The following ANP32A variants were observed in gnomAD, a reference collection of about 807,000 sequenced individuals.
The protein encoded by ANP32A is acidic nuclear phosphoprotein 32 family member A, also known as acidic leucine-rich nuclear phosphoprotein 32 family member A.
Under a neutral mutation model 33.9 loss-of-function variants are expected in ANP32A, and 1 was observed. That is an observed-to-expected ratio of 0.03 (90% CI 0.01 to 0.14). The LOEUF (loss-of-function observed/expected upper bound fraction) is 0.14, where lower values mean the gene tolerates loss of function less well. Among genes scored for constraint, ANP32A ranks in the 10% least tolerant of loss-of-function variants. The pLI, the probability that ANP32A is intolerant of heterozygous loss-of-function variation, is 1.00. For missense variants in ANP32A, 155 were observed against 306.0 expected (o/e 0.51, Z 3.68); for synonymous variants, 115 against 120.5 (o/e 0.95, Z 0.30).
chr15:68,800,517 G>A (rs909948073), intron 1 of ANP32A, among the ~76,000 whole-genome samples: 3 of 151,254 alleles, frequency 2.0e-5, no homozygotes, highest in Non-Finnish European at 4.4e-5. Flanking sequence ...GGCCGAGGCT[G>A]GCGGATCATG....
intron 1 of ANP32A, among the ~76,000 whole-genome samples, chr15:68,802,856 GT>G (rs1894157139): frequency 6.6e-6 from 1 of 151,876 alleles, no homozygotes; most frequent in Non-Finnish European, 1.5e-5. Context: ...GTTTCACCAT[GT>G]TGGTCAGGCT....
At chr15:68,790,003 C>G (rs1009543282) in intron 1 of ANP32A, 2 of 152,274 alleles carry the variant, frequency 1.3e-5, no homozygotes, top group African/African-American at 2.4e-5. Flanking sequence ...AGGAAAGCAT[C>G]GCAGAGCCAG....
intron 4 of ANP32A, among the ~76,000 whole-genome samples, chr15:68,783,485 C>T (rs953276391): frequency 1.3e-5 from 2 of 152,184 alleles, no homozygotes; most frequent in African/African-American, 4.8e-5. Context: ...GGACCTGGTC[C>T]CGGGACTGCC....
At chr15:68,812,994 T>C (rs1328370744) in intron 1 of ANP32A, 1 of 152,246 alleles carries the variant, frequency 6.6e-6, no homozygotes, top group South Asian at 2.1e-4. Flanking sequence ...AGTTCTCTGG[T>C]AATTTCCTCA....
chr15:68,783,126 C>T, intron 4 of ANP32A, 73 bp from the exon 5 acceptor site: 2 of 1,539,582 alleles, frequency 1.3e-6, no homozygotes, highest in South Asian at 1.2e-5. Flanking sequence ...AGCACAGGCC[C>T]CTTGTAGCGT....
intron 1 of ANP32A, among the ~76,000 whole-genome samples, chr15:68,796,971 A>C (rs1015468985): frequency 6.6e-5 from 10 of 152,170 alleles, no homozygotes; most frequent in African/African-American, 2.4e-4. Flanking sequence ...CAAGGGGCCC[A>C]GGATTCATCA....
chr15:68,809,918 G>C (rs1018761900), intron 1 of ANP32A, among the ~76,000 whole-genome samples: 1 of 152,238 alleles, frequency 6.6e-6, no homozygotes, highest in African/African-American at 2.4e-5. Flanking sequence ...TAGGCAAGGG[G>C]ACAGAGATGC....
chr15:68,817,576 C>T (rs1342959840), intron 1 of ANP32A: 2 of 152,352 alleles, frequency 1.3e-5, no homozygotes, highest in Admixed American at 1.3e-4. Flanking sequence ...AAAGAGCAAA[C>T]ACCAGAGCGA....
At position 68,782,942 on chromosome 15, in the gene ANP32A, C is replaced by T; in HGVS notation, c.624+14G>A. 1 of 1,551,564 alleles carries T rather than the reference C, an allele frequency of 6.4e-7. No individual in the cohort carries two copies. Among genetic ancestry groups the T allele is most frequent in the East Asian group, 2.4e-5 (1 of 40,908 alleles). On this transcript the variant is annotated intron_variant, in intron 5 of 6. Coordinates refer to ENST00000465139, the MANE Select transcript of ANP32A (RefSeq NM_006305.4). ...AGGGGCAGACGGTGGCCCTGCCCAG[C>T]CCAGCCTCCTTACCTCCTCCTCTCC...
At chr15:68,818,773 C>T (rs1048848074) in intron 1 of ANP32A, among the ~76,000 whole-genome samples, 10 of 151,562 alleles carry the variant, frequency 6.6e-5, no homozygotes, top group Non-Finnish European at 1.0e-4. Flanking sequence ...GCGCCCTTCC[C>T]CCTCCGCGCA....
At chr15:68,786,691 C>T (rs535296252) in intron 3 of ANP32A, among the ~76,000 whole-genome samples, 2 of 152,258 alleles carry the variant, frequency 1.3e-5, no homozygotes, top group South Asian at 2.1e-4. Context: ...AGGAATACAG[C>T]GAATCAGATC....
intron 1 of ANP32A, among the ~76,000 whole-genome samples, chr15:68,805,558 C>T (rs773103597): frequency 3.9e-5 from 6 of 152,206 alleles, no homozygotes; most frequent in Non-Finnish European, 8.8e-5. Context: ...GAGCAGTGGC[C>T]GGCTATTATA....
At chr15:68,817,879 C>A (rs1476254011) in intron 1 of ANP32A, among the ~76,000 whole-genome samples, 1 of 151,954 alleles carries the variant, frequency 6.6e-6, no homozygotes. Context: ...AGACTCCGCT[C>A]CCCCCGCCCC....
In ANP32A at chr15:68,780,592, G is replaced by C. The variant is rs545878777; in HGVS notation, c.625-119C>G. 4.7e-4 allele frequency: 693 copies of C among 1,484,534 alleles called. 7 individuals are homozygous for C. The highest frequency in any genetic ancestry group is 8.0e-5 in the Non-Finnish European group (89 of 1,117,158). 92.0% of individuals were successfully genotyped at this position (1,484,534 alleles called of 1,614,324 possible). ...CCCAGCCTCTCAGAGCCCCCACCAA[G>C]ACTTGACATCTCGGGAGGAATGTAA... is the stretch of plus-strand genomic sequence containing the variant. On this transcript the variant is annotated intron_variant, in intron 5 of 6. Transcript: ENST00000465139. The surrounding 1 kb of genome is among the most constrained non-coding windows in gnomAD (Gnocchi z 4.3).
intron 1 of ANP32A, among the ~76,000 whole-genome samples, chr15:68,800,939 C>G (rs1250862537): frequency 6.6e-6 from 1 of 151,472 alleles, no homozygotes; most frequent in Non-Finnish European, 1.5e-5. Flanking sequence ...GGGTGGCATG[C>G]TTGGCCTTAT....
At chr15:68,784,146 G>T (rs944523150) in intron 4 of ANP32A, 13 of 568,706 alleles carry the variant, frequency 2.3e-5, no homozygotes, top group Non-Finnish European at 4.1e-5. Context: ...ATTTCCATGA[G>T]CATGGGACTC....
At chr15:68,802,885 C>T (rs1388018664) in intron 1 of ANP32A, among the ~76,000 whole-genome samples, 1 of 152,118 alleles carries the variant, frequency 6.6e-6, no homozygotes, top group Non-Finnish European at 1.5e-5. Context: ...AACTCCTGAC[C>T]TCAGGTGATC....
intron 1 of ANP32A, among the ~76,000 whole-genome samples, chr15:68,796,063 C>T (rs1019258361): frequency 2.1e-4 from 32 of 152,144 alleles, no homozygotes; most frequent in Non-Finnish European, 4.4e-4. Context: ...GGGTACACGA[C>T]CCAGTGAAAA....
At chr15:68,807,427 C>CT (rs1555424018) in intron 1 of ANP32A, among the ~76,000 whole-genome samples, 1 of 115,494 alleles carries the variant, frequency 8.7e-6, no homozygotes, top group Non-Finnish European at 1.8e-5. Context: ...CCACAGAAAA[C>CT]GGGGGGGGGG....
Sources: allele counts gnomAD v4.1 joint callset (sites outside exome capture counted in the v4.1 genomes callset), GRCh38; gene constraint gnomAD v4.1.1; non-coding constraint Gnocchi (gnomAD v3.1); transcripts MANE v1.5; gene names NCBI Gene and HGNC (gene_info 2026-07-23, HGNC 2026-07-21).